GLG1: variants seen among roughly 807,000 people sequenced by gnomAD.
GLG1 encodes Golgi apparatus protein 1.
In GLG1, 38 loss-of-function variants were observed where a neutral mutation model predicts 160.5. That is an observed-to-expected ratio of 0.24 (90% CI 0.18 to 0.31). The LOEUF (loss-of-function observed/expected upper bound fraction) is 0.31. Among genes scored for constraint, GLG1 ranks in the 10% least tolerant of loss-of-function variants. The pLI, the probability that GLG1 is intolerant of heterozygous loss-of-function variation, is 1.00. For synonymous variants in GLG1, 644 were observed against 543.4 expected (o/e 1.19, Z -2.57); for missense variants, 1,373 against 1,505.2 (o/e 0.91, Z 1.45).
intron 10 of GLG1, among the ~76,000 whole-genome samples, chr16:74,481,537 A>G (rs952696662): frequency 6.6e-6 from 1 of 152,216 alleles, no homozygotes; most frequent in Admixed American, 6.5e-5. Context: ...TACACTCAGT[A>G]GACTATTTAG....
chr16:74,459,279 C>T (rs1308120912), intron 23 of GLG1, among the ~76,000 whole-genome samples: 6 of 152,132 alleles, frequency 3.9e-5, no homozygotes, highest in Admixed American at 3.9e-4. Context: ...GAGATCAAGA[C>T]CATTCTGGCT....
chr16:74,459,646 G>T (rs772062921), intron 23 of GLG1, 36 bp downstream of exon 23: 36 of 957,104 alleles, frequency 3.8e-5, no homozygotes, highest in Non-Finnish European at 5.5e-5. Context: ...AAAAAAAAAA[G>T]AAATGAAGTG....
At chr16:74,560,545 G>A (rs992856900) in intron 1 of GLG1, among the ~76,000 whole-genome samples, 2 of 151,978 alleles carry the variant, frequency 1.3e-5, no homozygotes, top group African/African-American at 4.8e-5. Context: ...GTTTCAGCAT[G>A]TTGGCCAGGA....
At chr16:74,547,988 T>C (rs1362783463) in intron 1 of GLG1, among the ~76,000 whole-genome samples, 2 of 152,240 alleles carry the variant, frequency 1.3e-5, no homozygotes, top group African/African-American at 4.8e-5. Flanking sequence ...TGGAGCAGAG[T>C]GGCTCAGTCG....
chr16:74,485,714 C>T (rs1166099939), intron 9 of GLG1, 82 bp downstream of exon 9: 46 of 1,345,186 alleles, frequency 3.4e-5, no homozygotes, highest in Non-Finnish European at 4.6e-5. Context: ...TCAACAACCA[C>T]CCAAAAGTCA....
At chr16:74,485,729 A>G in intron 9 of GLG1, 67 bp downstream of exon 9, 1 of 1,456,384 alleles carries the variant, frequency 6.9e-7, no homozygotes. Flanking sequence ...AAGTCATTTG[A>G]AGGAATGTTC....
intron 2 of GLG1, among the ~76,000 whole-genome samples, chr16:74,511,597 A>G (rs1233404784): frequency 6.6e-6 from 1 of 150,664 alleles, no homozygotes; most frequent in Non-Finnish European, 1.5e-5. Context: ...AAAAAAAAAA[A>G]AAAAAGAAAG....
intron 1 of GLG1, among the ~76,000 whole-genome samples, chr16:74,567,578 T>C (rs1355215761): frequency 8.0e-6 from 1 of 125,778 alleles, no homozygotes; most frequent in Non-Finnish European, 1.8e-5. Context: ...TTTTTTTTTT[T>C]TGAGACGGAG....
Position 74,557,531 on chromosome 16 carries a change from C to G in GLG1, c.439-25378G>C, listed in dbSNP as rs144742274. Among the ~76,000 whole-genome samples, 334 of 152,256 alleles carry G rather than the reference C, an allele frequency of 2.2e-3. 1 individual carries two copies. The highest frequency in any genetic ancestry group is 7.2e-3 in the African/African-American group (301 of 41,556). On this transcript the variant is annotated intron_variant, in intron 1 of 25. Coordinates refer to ENST00000422840, the MANE Select transcript of GLG1 (RefSeq NM_001145667.2). ...CTTTGCAGATACTAGTAGGCCAAAA[C>G]TCTAGGCATAGTTAATTCAGATACT...
At position 74,503,068 on chromosome 16, in the gene GLG1, G is replaced by A. The variant is rs1056512685; in HGVS notation, c.774+463C>T. Among the ~76,000 whole-genome samples, 4 of 151,940 alleles carry A rather than the reference G, an allele frequency of 2.6e-5. No homozygotes were observed. In the South Asian group the frequency reaches 6.2e-4, roughly 24 times the overall value. On this transcript the variant is annotated intron_variant, in intron 4 of 25. Transcript: ENST00000422840. ...TTAAAAATACAAAAATTAGCCAGGC[G>A]TGGTGGTGCATGCCTGTAGTTCCAG...
At chr16:74,532,470 CTT>C (rs1414400425) in intron 1 of GLG1, among the ~76,000 whole-genome samples, 1 of 152,090 alleles carries the variant, frequency 6.6e-6, no homozygotes, top group Non-Finnish European at 1.5e-5. Flanking sequence ...CTACAGGACA[CTT>C]TATAATTCAC....
At position 74,450,640 on chromosome 16, in the gene GLG1, G is replaced by A. The variant is rs894351700; in HGVS notation, c.*2527C>T. 1.3e-5 allele frequency: 2 copies of A among 152,142 alleles called. No individual in the cohort carries two copies. Among genetic ancestry groups the A allele is most frequent in the Admixed American group, 6.6e-5 (1 of 15,260 alleles). The allele number at this position is 152,142 out of a possible 1,614,324, so 9.4% of individuals were successfully genotyped here. A position where few individuals can be genotyped will look rare whatever the true frequency, so the allele number is the denominator to read the frequency against. On this transcript the variant is annotated 3_prime_UTR_variant, in exon 26 of 26. Transcript: ENST00000422840. ...CTGAGGCGGGTGGATCATGAGATCA[G>A]GAGTTCAAGACCAGCCTGGCCAAGA...
chr16:74,582,741 C>T (rs1009401289), intron 1 of GLG1, among the ~76,000 whole-genome samples: 6 of 152,026 alleles, frequency 3.9e-5, no homozygotes, highest in Non-Finnish European at 8.8e-5. Context: ...ATGGTGTGAA[C>T]CCGGGAGGTG....
At chr16:74,540,650 A>AT (rs960723002) in intron 1 of GLG1, among the ~76,000 whole-genome samples, 12 of 150,898 alleles carry the variant, frequency 8.0e-5, no homozygotes, top group Non-Finnish European at 1.5e-4. Flanking sequence ...CCCACCACTC[A>AT]TTTTTTCTCC....
intron 1 of GLG1, among the ~76,000 whole-genome samples, chr16:74,535,652 T>C (rs2017668365): frequency 6.6e-6 from 1 of 152,224 alleles, no homozygotes; most frequent in Non-Finnish European, 1.5e-5. Context: ...CCTAGGCTGA[T>C]CTCAACTTCT....
Position 74,452,700 on chromosome 16 carries a change from T to G in GLG1, c.*467A>C. 1.0e-6 allele frequency: 1 copy of G among 992,498 alleles called. No individual in the cohort carries two copies. The highest frequency in any genetic ancestry group is 1.2e-6 in the Non-Finnish European group (1 of 834,048). 61.5% of individuals were successfully genotyped at this position (992,498 alleles called of 1,614,324 possible). The stretch of plus-strand genomic sequence containing the variant: ...GGCACACTGGGTGGTGTGCTTCCCC[T>G]CCAAGTCCTGTCTTTGTTTTACACA... On this transcript the variant is annotated 3_prime_UTR_variant, in exon 26 of 26. Transcript: ENST00000422840.
chr16:74,473,584 C>T (rs1353221890), intron 13 of GLG1, among the ~76,000 whole-genome samples: 1 of 151,576 alleles, frequency 6.6e-6, no homozygotes, highest in African/African-American at 2.4e-5. Context: ...GGACTACAGG[C>T]ACCCGCCACC....
At chr16:74,465,931 A>C in intron 18 of GLG1, 118 bp from the exon 19 acceptor site, 1 of 869,796 alleles carries the variant, frequency 1.1e-6, no homozygotes, top group Non-Finnish European at 1.8e-6. Flanking sequence ...TCTCATTCCC[A>C]GGCAATCGGA....
At chr16:74,477,793 G>A (rs1236236000) in intron 11 of GLG1, among the ~76,000 whole-genome samples, 2 of 152,022 alleles carry the variant, frequency 1.3e-5, no homozygotes, top group East Asian at 1.9e-4. Context: ...GACCTACATG[G>A]AGAAACCCTG....
Sources: allele counts gnomAD v4.1 joint callset (sites outside exome capture counted in the v4.1 genomes callset), GRCh38; gene constraint gnomAD v4.1.1; transcripts MANE v1.5; gene names NCBI Gene and HGNC (gene_info 2026-07-23, HGNC 2026-07-21).